Variants in RPN2 observed in about 807,000 individuals in gnomAD.
RPN2 encodes the protein dolichyl-diphosphooligosaccharide--protein glycosyltransferase subunit 2.
A neutral mutation model predicts 71.4 loss-of-function variants in RPN2; 29 were observed. The ratio of observed to expected loss-of-function variants is 0.41; its 90% CI spans 0.30 to 0.55. RPN2 has a LOEUF of 0.55. Ranked by LOEUF, RPN2 falls within the 20% of genes least tolerant of loss-of-function variation. The pLI, the probability that RPN2 is intolerant of heterozygous loss-of-function variation, is 0.35. For missense variants in RPN2, 726 were observed against 774.1 expected (o/e 0.94, Z 0.74); for synonymous variants, 308 against 305.0 (o/e 1.01, Z -0.10).
chr20:37,210,025 A>G (rs747046756), intron 7 of RPN2, 22 bp from the exon 8 acceptor site: 1 of 1,612,700 alleles, frequency 6.2e-7, no homozygotes, highest in Admixed American at 1.7e-5. Flanking sequence ...GTTGTAACAA[A>G]TAATTTTTTA....
intron 11 of RPN2, 37 bp from the exon 12 acceptor site, chr20:37,228,513 A>G: frequency 6.3e-7 from 1 of 1,593,918 alleles, no homozygotes; most frequent in Non-Finnish European, 8.6e-7. Flanking sequence ...GAATCTTGAA[A>G]TTATCAGATG....
intron 9 of RPN2, among the ~76,000 whole-genome samples, chr20:37,221,352 T>C (rs1463834783): frequency 1.3e-5 from 2 of 152,042 alleles, no homozygotes; most frequent in African/African-American, 4.8e-5. Context: ...TGCATCACCA[T>C]GTCTGGCTAA....
intron 3 of RPN2, 114 bp downstream of exon 3, chr20:37,198,606 T>A: frequency 6.7e-7 from 1 of 1,497,284 alleles, no homozygotes; most frequent in Non-Finnish European, 8.9e-7. Flanking sequence ...TTATTGTGAG[T>A]GGGAATTCCA....
At chr20:37,226,218 A>G (rs2002841) in intron 11 of RPN2, among the ~76,000 whole-genome samples, 117,418 of 151,974 alleles carry the variant, frequency 0.77, 45,821 homozygotes, top group Middle Eastern at 0.89. Context: ...GGATACAGGC[A>G]TGCATTACCA....
At chr20:37,216,929 CTT>C (rs562651641) in intron 9 of RPN2, among the ~76,000 whole-genome samples, 212 of 93,218 alleles carry the variant, frequency 2.3e-3, no homozygotes, top group Non-Finnish European at 2.7e-3. Flanking sequence ...TTTTCTTTTT[CTT>C]TTTCTTTCTT....
At chr20:37,190,843 A>G (rs948375564) in intron 2 of RPN2, among the ~76,000 whole-genome samples, 1 of 152,194 alleles carries the variant, frequency 6.6e-6, no homozygotes, top group African/African-American at 2.4e-5. Flanking sequence ...ATTATAAGTA[A>G]TGGAAGAAAG....
intron 9 of RPN2, among the ~76,000 whole-genome samples, chr20:37,221,936 T>C (rs1164858105): frequency 6.6e-6 from 1 of 152,240 alleles, no homozygotes; most frequent in Non-Finnish European, 1.5e-5. Context: ...ATTATAATTA[T>C]GGTTTGTGTA....
At chr20:37,214,695 T>C (rs965308915) in intron 9 of RPN2, among the ~76,000 whole-genome samples, 3 of 152,228 alleles carry the variant, frequency 2.0e-5, no homozygotes, top group African/African-American at 7.2e-5. Flanking sequence ...TTTTCCGCAG[T>C]TCTATCCCAA....
intron 6 of RPN2, 46 bp from the exon 7 acceptor site, chr20:37,207,227 T>A (rs767851158): frequency 1.8e-5 from 27 of 1,536,646 alleles, no homozygotes; most frequent in Admixed American, 3.3e-5. Flanking sequence ...CCCTCCCACC[T>A]TCCCAGCAGA....
At chr20:37,191,495 G>A (rs573463541) in intron 2 of RPN2, among the ~76,000 whole-genome samples, 6 of 151,970 alleles carry the variant, frequency 3.9e-5, no homozygotes, top group South Asian at 4.2e-4. Flanking sequence ...GGCCAGGCGC[G>A]GTGGCTCACA....
At chr20:37,186,008 T>G (rs1018114934) in intron 2 of RPN2, among the ~76,000 whole-genome samples, 1 of 152,188 alleles carries the variant, frequency 6.6e-6, no homozygotes, top group Non-Finnish European at 1.5e-5. Flanking sequence ...CCTTGCTAGC[T>G]GTCTGCTAGG....
chr20:37,216,210 G>A (rs1349067780), intron 9 of RPN2, among the ~76,000 whole-genome samples: 1 of 151,952 alleles, frequency 6.6e-6, no homozygotes, highest in African/African-American at 2.4e-5. Context: ...GTGGTGGCAC[G>A]TGCCTGTAAT....
intron 14 of RPN2, among the ~76,000 whole-genome samples, chr20:37,233,503 A>T (rs1273094675): frequency 6.6e-6 from 1 of 152,206 alleles, no homozygotes; most frequent in Non-Finnish European, 1.5e-5. Flanking sequence ...TTACTGTTTA[A>T]ATCTAGATAA....
At chr20:37,221,800 C>T (rs2067965636) in intron 9 of RPN2, among the ~76,000 whole-genome samples, 1 of 152,270 alleles carries the variant, frequency 6.6e-6, no homozygotes, top group African/African-American at 2.4e-5. Context: ...AAGCCTCCTC[C>T]TCAGTCTTCT....
At chr20:37,199,306 A>G in intron 4 of RPN2, 81 bp downstream of exon 4, 1 of 1,551,298 alleles carries the variant, frequency 6.4e-7, no homozygotes, top group Non-Finnish European at 8.8e-7. Context: ...TGGTTCAGCA[A>G]ATACTTTCTG....
chr20:37,201,626 T>C (rs1453783473), intron 4 of RPN2, among the ~76,000 whole-genome samples: 2 of 152,228 alleles, frequency 1.3e-5, no homozygotes, highest in Non-Finnish European at 2.9e-5. Flanking sequence ...CTACTCAACC[T>C]CTGTGACCAT....
intron 9 of RPN2, among the ~76,000 whole-genome samples, chr20:37,221,481 A>ACCT (rs1489632404): frequency 6.6e-6 from 1 of 152,206 alleles, no homozygotes; most frequent in Non-Finnish European, 1.5e-5. Context: ...TACAGGCGTG[A>ACCT]GCCACCACGC....
intron 9 of RPN2, among the ~76,000 whole-genome samples, chr20:37,217,359 C>T (rs1418467737): frequency 1.3e-5 from 2 of 151,708 alleles, no homozygotes; most frequent in African/African-American, 2.4e-5. Flanking sequence ...GTGGCGCAAT[C>T]CCGGCTCACT....
chr20:37,215,357 C>CTCA (rs1174027861), intron 9 of RPN2, among the ~76,000 whole-genome samples: 2 of 152,180 alleles, frequency 1.3e-5, no homozygotes, highest in Non-Finnish European at 2.9e-5. Context: ...ATCTCTTCAC[C>CTCA]TCATGTGTTG....
Sources: allele counts gnomAD v4.1 joint callset (sites outside exome capture counted in the v4.1 genomes callset), GRCh38; gene constraint gnomAD v4.1.1; transcripts MANE v1.5; gene names NCBI Gene and HGNC (gene_info 2026-07-23, HGNC 2026-07-21).